The following DCLK1 variants were observed in gnomAD, a reference collection of about 807,000 sequenced individuals.
DCLK1 encodes serine/threonine-protein kinase DCLK1.
In DCLK1, 16 loss-of-function variants were observed where a neutral mutation model predicts 86.2. The ratio of observed to expected loss-of-function variants is 0.19; its 90% CI spans 0.13 to 0.28. The LOEUF (loss-of-function observed/expected upper bound fraction) is 0.28. Ranked by LOEUF, DCLK1 falls within the 10% of genes least tolerant of loss-of-function variation. The pLI is 1.00. For missense variants in DCLK1, 590 were observed against 940.2 expected (o/e 0.63, Z 4.87); for synonymous variants, 369 against 370.5 (o/e 1.00, Z 0.05).
chr13:36,087,467 T>C (rs1279172147), intron 3 of DCLK1, among the ~76,000 whole-genome samples: 1 of 152,184 alleles, frequency 6.6e-6, no homozygotes, highest in African/African-American at 2.4e-5. Flanking sequence ...AGTTAGGAGA[T>C]AGTGTTAGGT....
At chr13:36,124,212 A>G (rs1281107257) in intron 2 of DCLK1, among the ~76,000 whole-genome samples, 1 of 152,222 alleles carries the variant, frequency 6.6e-6, no homozygotes, top group Non-Finnish European at 1.5e-5. Context: ...CCCCTAGACT[A>G]TACCACCAAA....
intron 6 of DCLK1, among the ~76,000 whole-genome samples, 158 bp downstream of exon 6, chr13:35,854,341 T>C (rs542230089): frequency 1.3e-5 from 2 of 152,230 alleles, no homozygotes; most frequent in South Asian, 4.1e-4. Context: ...AAGCCCTGAG[T>C]TCTAGCTAAA....
At chr13:36,065,405 G>A (rs1883711684) in intron 3 of DCLK1, among the ~76,000 whole-genome samples, 1 of 152,190 alleles carries the variant, frequency 6.6e-6, no homozygotes, top group African/African-American at 2.4e-5. Flanking sequence ...AAACTGGAAA[G>A]GAAGAATAAT....
chr13:35,844,662 T>G (rs115555795), intron 6 of DCLK1, among the ~76,000 whole-genome samples: 273 of 152,310 alleles, frequency 1.8e-3, no homozygotes, highest in African/African-American at 6.2e-3. Context: ...CAACCTGTAA[T>G]GAAGGGAGCT....
chr13:35,905,789 T>C (rs1316467882), intron 4 of DCLK1, among the ~76,000 whole-genome samples: 3 of 150,442 alleles, frequency 2.0e-5, no homozygotes, highest in Non-Finnish European at 4.4e-5. Context: ...CTACTAAAAA[T>C]CCAAAAAAAG....
At chr13:35,902,350 C>T (rs950172221) in intron 4 of DCLK1, among the ~76,000 whole-genome samples, 1 of 152,184 alleles carries the variant, frequency 6.6e-6, no homozygotes, top group Non-Finnish European at 1.5e-5. Context: ...CATTGCTAAT[C>T]GATTTCCTAC....
At chr13:35,822,674 A>T in intron 11 of DCLK1, 55 bp downstream of exon 11, 1 of 1,603,058 alleles carries the variant, frequency 6.2e-7, no homozygotes, top group Admixed American at 1.7e-5. Flanking sequence ...AAATATTCAT[A>T]TTCCTTCATG....
At chr13:36,098,853 G>T (rs1217745265) in intron 3 of DCLK1, among the ~76,000 whole-genome samples, 2 of 152,134 alleles carry the variant, frequency 1.3e-5, no homozygotes, top group Non-Finnish European at 2.9e-5. Context: ...AGGACATTTA[G>T]TATTTATTTT....
chr13:35,843,051 C>G (rs1335771229), intron 6 of DCLK1, among the ~76,000 whole-genome samples: 1 of 152,174 alleles, frequency 6.6e-6, no homozygotes, highest in African/African-American at 2.4e-5. Context: ...GATTAACCAG[C>G]CTTTGTTTAC....
At chr13:36,099,169 C>T (rs1299876692) in intron 3 of DCLK1, among the ~76,000 whole-genome samples, 3 of 151,908 alleles carry the variant, frequency 2.0e-5, no homozygotes, top group Non-Finnish European at 4.4e-5. Flanking sequence ...GGTTTCACCA[C>T]GTTGGCCAGG....
intron 10 of DCLK1, among the ~76,000 whole-genome samples, chr13:35,824,608 G>A (rs1328057361): frequency 2.0e-5 from 3 of 152,088 alleles, no homozygotes; most frequent in African/African-American, 4.8e-5. Context: ...TCCCTGGGTT[G>A]TTGTCATGTG....
intron 4 of DCLK1, among the ~76,000 whole-genome samples, chr13:35,911,835 G>C (rs902388807): frequency 5.3e-5 from 8 of 152,140 alleles, no homozygotes; most frequent in Non-Finnish European, 1.2e-4. Flanking sequence ...GGATAAAACA[G>C]CATCTGGCCC....
chr13:36,104,810 A>C (rs2138172600), intron 3 of DCLK1, among the ~76,000 whole-genome samples: 1 of 152,304 alleles, frequency 6.6e-6, no homozygotes, highest in Non-Finnish European at 1.5e-5. Context: ...AAATGGGATG[A>C]TAAAAATACA....
intron 3 of DCLK1, among the ~76,000 whole-genome samples, chr13:36,003,172 G>A (rs1434070835): frequency 6.6e-6 from 1 of 152,220 alleles, no homozygotes; most frequent in East Asian, 1.9e-4. Flanking sequence ...ATTTTGGTGG[G>A]TGTGAGCTAA....
At chr13:36,088,942 T>C (rs188930918) in intron 3 of DCLK1, among the ~76,000 whole-genome samples, 11 of 152,354 alleles carry the variant, frequency 7.2e-5, no homozygotes, top group Admixed American at 1.3e-4. Flanking sequence ...GTCCTCTGGA[T>C]TCTAAACTTT....
chr13:36,028,146 T>C (rs1882118197), intron 3 of DCLK1, among the ~76,000 whole-genome samples: 1 of 152,218 alleles, frequency 6.6e-6, no homozygotes. Context: ...TACTATGAAA[T>C]GTAATATGCA....
chr13:35,837,388 G>T (rs1039230784), intron 7 of DCLK1, among the ~76,000 whole-genome samples: 1 of 152,082 alleles, frequency 6.6e-6, no homozygotes, highest in Non-Finnish European at 1.5e-5. Context: ...CTCTTACCCT[G>T]CTAGAAGCCA....
intron 3 of DCLK1, among the ~76,000 whole-genome samples, chr13:36,019,029 T>C (rs935728684): frequency 3.9e-5 from 6 of 152,218 alleles, no homozygotes; most frequent in Non-Finnish European, 7.4e-5. Context: ...GTATGTGTGG[T>C]AACTTTGCAT....
intron 5 of DCLK1, among the ~76,000 whole-genome samples, chr13:35,858,422 G>A (rs1425287690): frequency 6.6e-6 from 1 of 152,164 alleles, no homozygotes; most frequent in African/African-American, 2.4e-5. Context: ...TTTAGATGAA[G>A]AAACATGTTT....
Sources: allele counts gnomAD v4.1 joint callset (sites outside exome capture counted in the v4.1 genomes callset), GRCh38; gene constraint gnomAD v4.1.1; transcripts MANE v1.5; gene names NCBI Gene and HGNC (gene_info 2026-07-23, HGNC 2026-07-21).